The following ANKFN1 variants were observed in gnomAD, a reference collection of about 807,000 sequenced individuals.
ANKFN1 encodes ankyrin repeat and fibronectin type-III domain-containing protein 1.
ANKFN1 carries 74 observed loss-of-function variants against 108.7 expected under a neutral mutation model. That is an observed-to-expected ratio of 0.68 (90% confidence interval 0.56 to 0.83). The LOEUF (loss-of-function observed/expected upper bound fraction) is 0.83. ANKFN1 is among the 40% of genes least tolerant of loss of function. ANKFN1 has a pLI of 0.00. For missense variants in ANKFN1, 1,505 were observed against 1,382.3 expected (o/e 1.09, Z -1.41); for synonymous variants, 547 against 516.2 (o/e 1.06, Z -0.81).
chr17:56,504,410 G>A (rs1020201462), intron 20 of ANKFN1, among the ~76,000 whole-genome samples: 5 of 152,026 alleles, frequency 3.3e-5, no homozygotes, highest in African/African-American at 1.2e-4. Context: ...GGAGCTACAG[G>A]AAATCAGTTA....
chr17:56,199,267 CAAAAA>C lies in ANKFN1; in HGVS notation c.-70-13318_-70-13314del, dbSNP rs35028021. Among the ~76,000 whole-genome samples, 258 of 128,798 alleles carry C rather than the reference CAAAAA, an allele frequency of 2.0e-3. 3 individuals are homozygous for C. The highest frequency in any genetic ancestry group is 6.7e-3 in the African/African-American group (247 of 36,596). 84.5% of individuals were successfully genotyped at this position (128,798 alleles called of 152,430 possible). On this transcript the variant is annotated intron_variant, in intron 1 of 20. Transcript: ENST00000682825. ...GTTTTCTAGCTCGTTATTGCTGTTA[CAAAAA>C]AAAAAAAAAAAAGACACAGACTTTT...
chr17:56,233,364 A>G (rs1191857535), intron 3 of ANKFN1, among the ~76,000 whole-genome samples: 1 of 152,074 alleles, frequency 6.6e-6, no homozygotes, highest in Non-Finnish European at 1.5e-5. Flanking sequence ...GAAAATGGAA[A>G]ATCAAAACAT....
intron 4 of ANKFN1, among the ~76,000 whole-genome samples, chr17:56,102,906 T>C (rs1027522863): frequency 1.3e-5 from 2 of 152,158 alleles, no homozygotes; most frequent in Admixed American, 1.3e-4. Context: ...AACCCAAATA[T>C]TGAAGTTCTA....
intron 20 of ANKFN1, among the ~76,000 whole-genome samples, chr17:56,502,328 G>A (rs1896374507): frequency 6.6e-6 from 1 of 152,118 alleles, no homozygotes; most frequent in Non-Finnish European, 1.5e-5. Flanking sequence ...CTGAAGACGG[G>A]TTGCACCACT....
intron 19 of ANKFN1, among the ~76,000 whole-genome samples, chr17:56,498,119 C>T (rs1049726556): frequency 1.3e-5 from 2 of 151,984 alleles, no homozygotes; most frequent in Non-Finnish European, 2.9e-5. Flanking sequence ...ATGGAACAAC[C>T]TAAAATGGAC....
intron 3 of ANKFN1, among the ~76,000 whole-genome samples, chr17:56,259,947 C>G (rs1455766480): frequency 6.6e-6 from 1 of 150,790 alleles, no homozygotes; most frequent in Non-Finnish European, 1.5e-5. Context: ...CACACACACA[C>G]TCTTTTCAAA....
At chr17:56,502,976 A>G (rs79571152) in intron 20 of ANKFN1, among the ~76,000 whole-genome samples, 1 of 152,220 alleles carries the variant, frequency 6.6e-6, no homozygotes, top group East Asian at 1.9e-4. Context: ...CTGTGCGTCA[A>G]TTAAAATTAA....
chr17:56,049,215 T>C (rs2143068271), intron 4 of ANKFN1, among the ~76,000 whole-genome samples: 1 of 152,300 alleles, frequency 6.6e-6, no homozygotes, highest in South Asian at 2.1e-4. Flanking sequence ...ACTTATAAAT[T>C]GCTTCAGTGA....
At chr17:56,385,308 T>C (rs1030838766) in intron 8 of ANKFN1, among the ~76,000 whole-genome samples, 4 of 151,912 alleles carry the variant, frequency 2.6e-5, no homozygotes, top group Non-Finnish European at 4.4e-5. Context: ...ACACCTTATA[T>C]AAAAATTAAT....
chr17:56,501,500 A>G (rs1193278837), intron 20 of ANKFN1, among the ~76,000 whole-genome samples: 1 of 152,170 alleles, frequency 6.6e-6, no homozygotes, highest in African/African-American at 2.4e-5. Flanking sequence ...GTAAGAGAGA[A>G]GGAAAAACAA....
At chr17:56,318,337 A>C (rs556997660) in intron 3 of ANKFN1, among the ~76,000 whole-genome samples, 61 of 152,330 alleles carry the variant, frequency 4.0e-4, no homozygotes, top group African/African-American at 1.4e-3. Flanking sequence ...ATGAGCATGC[A>C]TAGCATCCAA....
rs1598742752 is a variant in ANKFN1, at chr17:56,510,797, G to A, written c.2969G>A (p.Gly990Glu). Reference sequence around the variant, plus strand: ...AACCACGCCAAGACTGTGTCCGGTGGGCGGCCCCCGCTAGGCTTCCTGGGA... The same window carrying A: ...AACCACGCCAAGACTGTGTCCGGTGAGCGGCCCCCGCTAGGCTTCCTGGGA... ...PKNHAKTVSG[G>E]RPPLGFLGKR... The change falls in exon 21 of 21, where the codon GGG (glycine) becomes GAG (glutamate). Residue 990 changes from glycine to glutamate, a missense_variant. Coordinates refer to ENST00000682825, the MANE Select transcript of ANKFN1 (RefSeq NM_001370326.1). The A allele has an allele frequency of 2.6e-6, 4 of 1,536,176 alleles. No individual in the cohort carries two copies. In the East Asian group the frequency reaches 9.8e-5, roughly 38 times the overall value.
chr17:56,062,854 T>A (rs1236636219), intron 4 of ANKFN1, among the ~76,000 whole-genome samples: 2 of 152,244 alleles, frequency 1.3e-5, no homozygotes, highest in African/African-American at 2.4e-5. Flanking sequence ...GTTTTTGCAG[T>A]GGCTGGTACT....
intron 8 of ANKFN1, among the ~76,000 whole-genome samples, chr17:56,400,726 G>A (rs989006716): frequency 2.0e-5 from 3 of 152,064 alleles, no homozygotes; most frequent in Non-Finnish European, 4.4e-5. Context: ...TTAGGTCTTA[G>A]GTTTAAGTCC....
chr17:56,176,702 A>G (rs1409854519), intron 1 of ANKFN1, among the ~76,000 whole-genome samples: 2 of 152,208 alleles, frequency 1.3e-5, no homozygotes, highest in Non-Finnish European at 2.9e-5. Flanking sequence ...GAACTAGGTC[A>G]CCTGTCTTGT....
intron 8 of ANKFN1, among the ~76,000 whole-genome samples, chr17:56,419,006 C>G (rs2145041033): frequency 6.6e-6 from 1 of 152,262 alleles, no homozygotes; most frequent in Non-Finnish European, 1.5e-5. Context: ...GCTGAGAACT[C>G]TTAGGACTTT....
At chr17:56,194,510 G>A (rs143607549) in intron 1 of ANKFN1, among the ~76,000 whole-genome samples, 15 of 152,274 alleles carry the variant, frequency 9.9e-5, no homozygotes, top group Non-Finnish European at 1.6e-4. Flanking sequence ...GCAACATATT[G>A]TATGATTCCA....
Position 56,449,096 on chromosome 17 carries a change from G to C in ANKFN1, c.1117G>C (p.Asp373His). Residue 373 changes from aspartate (D) to histidine (H), a missense_variant, in exon 11 of 21, where the codon GAC becomes CAC. By Grantham distance (81) the Asp-to-His change is moderately conservative (BLOSUM62 -1). Transcript: ENST00000682825. ...TTCAATAGACTGGAAAGACTATGAC[G>C]ACAGAGAGCCCAGACACAAGGGACA... Reference protein sequence around the residue: ...ASPSNWKDYDDREPRHKGQSE... With the variant: ...ASPSNWKDYDHREPRHKGQSE... The C allele has an allele frequency of 6.2e-7, 1 of 1,613,266 alleles. No homozygotes were observed. The highest frequency in any genetic ancestry group is 1.3e-5 in the African/African-American group (1 of 74,996).
chr17:56,064,215 G>T (rs1217295308), intron 4 of ANKFN1, among the ~76,000 whole-genome samples: 1 of 152,212 alleles, frequency 6.6e-6, no homozygotes. Flanking sequence ...CAGTTGGGTG[G>T]CATGGGGAGT....
Sources: allele counts gnomAD v4.1 joint callset (sites outside exome capture counted in the v4.1 genomes callset), GRCh38; gene constraint gnomAD v4.1.1; transcripts MANE v1.5; gene names NCBI Gene and HGNC (gene_info 2026-07-23, HGNC 2026-07-21).